The following SGCD variants were observed in gnomAD, a reference collection of about 807,000 sequenced individuals.
SGCD encodes the protein delta-sarcoglycan.
In SGCD, 18 loss-of-function variants were observed where a neutral mutation model predicts 36.6. The observed-to-expected ratio is 0.49, with a 90% CI of 0.34 to 0.73. The LOEUF (loss-of-function observed/expected upper bound fraction) is 0.73. SGCD is among the 30% of genes least tolerant of loss of function. The pLI is 0.01. For missense variants in SGCD, 387 were observed against 346.7 expected, an observed-to-expected ratio of 1.12 and a Z score of -0.92; for synonymous variants, 133 against 130.6, an observed-to-expected ratio of 1.02 and a Z score of -0.12.
At chr5:156,424,724 G>A (rs1773589165) in intron 3 of SGCD, among the ~76,000 whole-genome samples, 1 of 152,018 alleles carries the variant, frequency 6.6e-6, no homozygotes, top group South Asian at 2.1e-4. Flanking sequence ...CTGTACTCAT[G>A]GCCATGACTT....
At chr5:156,010,414 A>G (rs565073833) in intron 1 of SGCD, among the ~76,000 whole-genome samples, 1 of 152,320 alleles carries the variant, frequency 6.6e-6, no homozygotes, top group Admixed American at 6.5e-5. Flanking sequence ...AGATCTTACA[A>G]CCTGTTTGTT....
At chr5:156,632,541 T>C (rs1314587001) in intron 6 of SGCD, among the ~76,000 whole-genome samples, 12 of 152,214 alleles carry the variant, frequency 7.9e-5, no homozygotes, top group Non-Finnish European at 8.8e-5. Flanking sequence ...TATTTTTTAT[T>C]GACCTGTCTT....
intron 3 of SGCD, among the ~76,000 whole-genome samples, chr5:156,316,776 G>C (rs145320301): frequency 9.9e-5 from 15 of 152,154 alleles, no homozygotes; most frequent in Admixed American, 3.3e-4. Flanking sequence ...TGGGAACTAA[G>C]AGTGAAACCT....
At chr5:156,478,325 C>T (rs887943838) in intron 3 of SGCD, among the ~76,000 whole-genome samples, 19 of 152,146 alleles carry the variant, frequency 1.2e-4, no homozygotes, top group Non-Finnish European at 2.2e-4. Context: ...TCACTGATGG[C>T]GTTAATGCCC....
intron 1 of SGCD, among the ~76,000 whole-genome samples, chr5:156,088,530 T>C (rs889699456): frequency 2.0e-5 from 3 of 152,074 alleles, no homozygotes; most frequent in Admixed American, 6.6e-5. Context: ...GACAAGGTCT[T>C]GCATTGTCAC....
At chr5:155,780,641 G>A in the SGCD span, among the ~76,000 whole-genome samples, 1 of 152,140 alleles carries the variant, frequency 6.6e-6, no homozygotes, top group Non-Finnish European at 1.5e-5. Context: ...ATTCCATAAT[G>A]ATGGCAGGTG....
rs1201713868 is a variant in SGCD at position 156,065,485 on chromosome 5, T to C, written c.-281-52393T>C. 1.0e-4 allele frequency among the ~76,000 whole-genome samples: 10 copies of C among 99,226 alleles called. 1 individual carries two copies. Among genetic ancestry groups the C allele is most frequent in the Non-Finnish European group, 1.8e-4 (9 of 50,638 alleles). 65.1% of individuals were successfully genotyped at this position (99,226 alleles called of 152,430 possible). On this transcript the variant is annotated intron_variant, in intron 1 of 9. Coordinates refer to the SGCD transcript ENST00000517913. ...TGCAGAGCTGAGTTCAATTCCTGGGTATCCTTGTTGACTTTCTGTCTCGTT... is the reference window on the plus strand; with the variant it reads ...TGCAGAGCTGAGTTCAATTCCTGGGCATCCTTGTTGACTTTCTGTCTCGTT...
chr5:156,149,622 G>C (rs74858302), intron 3 of SGCD, among the ~76,000 whole-genome samples: 2,184 of 152,154 alleles, frequency 0.014, 24 homozygotes, highest in Non-Finnish European at 0.024. Flanking sequence ...TCAGTAGATG[G>C]TTCTCAGCTG....
chr5:156,347,997 C>A (rs77040463), intron 3 of SGCD, among the ~76,000 whole-genome samples: 9,375 of 152,156 alleles, frequency 0.062, 381 homozygotes, highest in Middle Eastern at 0.17. Flanking sequence ...TGCATTTGAG[C>A]AAATAGAACT....
At chr5:155,798,432 C>T in the SGCD span, among the ~76,000 whole-genome samples, 2,920 of 152,206 alleles carry the variant, frequency 0.019, 63 homozygotes, top group East Asian at 0.13. Context: ...AATAGATTTA[C>T]CTTCTGATTA....
chr5:156,232,719 C>T (rs1444724314), intron 3 of SGCD, among the ~76,000 whole-genome samples: 3 of 152,166 alleles, frequency 2.0e-5, no homozygotes, highest in Admixed American at 6.5e-5. Context: ...TTAGTATCTC[C>T]TGTAATAAAC....
rs147791150 is a variant in SGCD, at chr5:156,759,540, G to T, written c.*150G>T. 1.4e-3 allele frequency: 502 copies of T among 355,636 alleles called. 9 individuals carry two copies. The East Asian group carries it at 0.02, about 14-fold the overall frequency. 22.0% of individuals were successfully genotyped at this position (355,636 alleles called of 1,614,324 possible). On this transcript the variant is annotated 3_prime_UTR_variant, in exon 9 of 9. Transcript: ENST00000337851. ...TGTGTGCGTGCTTGAGTGTGTTCGC[G>T]TGTGTGGGTGGATATAAATATATAT...
the SGCD span, among the ~76,000 whole-genome samples, chr5:155,735,587 A>C: frequency 6.6e-6 from 1 of 152,176 alleles, no homozygotes; most frequent in Non-Finnish European, 1.5e-5. Flanking sequence ...CAGGACTCTT[A>C]ATGCCTGCTG....
intron 3 of SGCD, among the ~76,000 whole-genome samples, chr5:156,504,392 G>GTGTGTATATATATATA (rs1413599402): frequency 1.3e-5 from 1 of 75,072 alleles, no homozygotes; most frequent in African/African-American, 3.9e-5. Flanking sequence ...GTGTGTGTGT[G>GTGTGTATATATATATA]TATATATATA....
intron 3 of SGCD, among the ~76,000 whole-genome samples, chr5:156,177,923 TG>T (rs1346049901): frequency 6.6e-6 from 1 of 152,198 alleles, no homozygotes; most frequent in Non-Finnish European, 1.5e-5. Context: ...ACTTAATCCA[TG>T]GGATTTCATC....
chr5:156,734,040 A>G (rs1311414766), intron 7 of SGCD, among the ~76,000 whole-genome samples: 2 of 152,092 alleles, frequency 1.3e-5, no homozygotes, highest in East Asian at 3.9e-4. Context: ...AGTGGCTGGT[A>G]ATGATCTTTC....
intron 3 of SGCD, among the ~76,000 whole-genome samples, chr5:156,481,856 CTG>C (rs1755445359): frequency 6.6e-6 from 1 of 152,164 alleles, no homozygotes; most frequent in African/African-American, 2.4e-5. Context: ...CCTGTGGCCT[CTG>C]TGAGCAAGTC....
Position 156,080,482 on chromosome 5 carries a change from T to C in SGCD, c.-281-37396T>C, listed in dbSNP as rs796773566. On this transcript the variant is annotated intron_variant, in intron 1 of 9. Coordinates refer to the SGCD transcript ENST00000517913. ...CAAGGCTGCAGATTTTCCAAACATTTTTTGATCTGCTTCCTGTTTAAATGT... is the reference window on the plus strand; with the variant it reads ...CAAGGCTGCAGATTTTCCAAACATTCTTTGATCTGCTTCCTGTTTAAATGT... Among the ~76,000 whole-genome samples, 30 of 152,350 alleles carry C rather than the reference T, an allele frequency of 2.0e-4. 1 individual carries two copies. Among genetic ancestry groups the C allele is most frequent in the African/African-American group, 7.0e-4 (29 of 41,576 alleles).
intron 3 of SGCD, among the ~76,000 whole-genome samples, chr5:156,375,785 GTTAATT>G (rs1770631548): frequency 3.3e-5 from 5 of 152,060 alleles, no homozygotes; most frequent in African/African-American, 1.2e-4. Flanking sequence ...AATTCTCTAA[GTTAATT>G]GACTATAGCG....
Sources: gnomAD v4.1 joint callset for allele counts (sites outside exome capture counted in the v4.1 genomes callset) on GRCh38, gnomAD v4.1.1 for gene constraint, MANE v1.5 for transcripts, NCBI Gene and HGNC (gene_info 2026-07-23, HGNC 2026-07-21) for gene names.